Variants in KDM5D observed in about 807,000 individuals in gnomAD.
KDM5D encodes the protein lysine demethylase 5D.
In KDM5D, 25 loss-of-function variants were observed where a neutral mutation model predicts 31.9. That is an observed-to-expected ratio of 0.78 (90% CI 0.57 to 1.09). The LOEUF (loss-of-function observed/expected upper bound fraction) is 1.09, where lower values mean the gene tolerates loss of function less well. KDM5D is among the 50% of genes least tolerant of loss of function. The probability of loss-of-function intolerance (pLI) is 0.00; values close to 1 mark genes in which losing one functional copy is unlikely to be tolerated. For missense variants in KDM5D, 366 were observed against 341.6 expected, an observed-to-expected ratio of 1.07 and a Z score of -0.56; for synonymous variants, 146 against 122.3, an observed-to-expected ratio of 1.19 and a Z score of -1.28.
intron 19 of KDM5D, 159 bp downstream of exon 19, chrY:19,710,217 A>G: frequency 2.7e-6 from 1 of 374,523 alleles, no homozygotes; most frequent in African/African-American, 6.4e-5. Flanking sequence ...GTACACACAG[A>G]GATGGTATGG....
intron 18 of KDM5D, among the ~76,000 whole-genome samples, chrY:19,711,942 T>C: frequency 3.0e-5 from 1 of 33,491 alleles, no homozygotes; most frequent in Non-Finnish European, 7.4e-5. Flanking sequence ...ATCCTCCAAA[T>C]AGGCCCAAAA....
At chrY:19,706,684 G>T (rs1272291312) in intron 25 of KDM5D, 44 bp from the exon 26 acceptor site, 1 of 374,184 alleles carries the variant, frequency 2.7e-6, no homozygotes, top group South Asian at 3.0e-5. Context: ...GACAGACTGG[G>T]TTAGAGGCCA....
At chrY:19,718,892 C>T in intron 13 of KDM5D, among the ~76,000 whole-genome samples, 1 of 33,858 alleles carries the variant, frequency 3.0e-5, no homozygotes. Flanking sequence ...TAGCCCTGGC[C>T]GGGCGCGGTG....
At chrY:19,710,179 A>C (rs2045285733) in intron 19 of KDM5D, 197 bp downstream of exon 19, 12 of 366,910 alleles carry the variant, frequency 3.3e-5, no homozygotes, top group East Asian at 1.1e-4. Flanking sequence ...TAATTATTTC[A>C]GTCTGGAAGG....
chrY:19,716,338 T>C lies in KDM5D; in HGVS notation c.1972A>G (p.Lys658Glu). The stretch of plus-strand genomic sequence containing the variant: ...TCCTGAACCATAATGAACATCTCCT[T>C]GTGCACAGCTACTGCTAGATTGAGA... Reference protein sequence around the residue: ...LDLNLAVAVHKEMFIMVQEER... With the variant: ...LDLNLAVAVHEEMFIMVQEER... Residue 658 changes from lysine to glutamate, a missense_variant, in exon 15 of 27, where the codon AAG becomes GAG. Coordinates refer to ENST00000317961, the MANE Select transcript of KDM5D (RefSeq NM_004653.5). 1 of 398,827 alleles carries C rather than the reference T, an allele frequency of 2.5e-6. No individual in the cohort carries two copies. The highest frequency in any genetic ancestry group is 3.5e-6 in the Non-Finnish European group (1 of 283,345).
chrY:19,723,944 AC>A (rs2045411707), intron 11 of KDM5D, among the ~76,000 whole-genome samples: 1 of 33,860 alleles, frequency 3.0e-5, no homozygotes, highest in African/African-American at 1.2e-4. Flanking sequence ...GCAAACTTAT[AC>A]AAATCAACAA....
chrY:19,713,693 T>C, intron 18 of KDM5D, among the ~76,000 whole-genome samples: 1 of 33,058 alleles, frequency 3.0e-5, no homozygotes, highest in Non-Finnish European at 7.4e-5. Flanking sequence ...CTATACAGGG[T>C]TGGCGGGAGT....
intron 6 of KDM5D, among the ~76,000 whole-genome samples, chrY:19,738,566 T>C (rs747361484): frequency 2.9e-5 from 1 of 34,053 alleles, no homozygotes; most frequent in Non-Finnish European, 7.3e-5. Flanking sequence ...ATAAAAGTTA[T>C]TAAAAATATA....
At chrY:19,743,918 T>C in intron 2 of KDM5D, among the ~76,000 whole-genome samples, 1 of 33,602 alleles carries the variant, frequency 3.0e-5, no homozygotes, top group Admixed American at 2.7e-4. Flanking sequence ...AATAATAAAT[T>C]TAATTGATGG....
chrY:19,732,863 T>C, intron 8 of KDM5D, 121 bp from the exon 9 acceptor site: 2 of 162,177 alleles, frequency 1.2e-5, no homozygotes, highest in Admixed American at 1.2e-4. Flanking sequence ...GTTGTATTTA[T>C]GAGCTTACTA....
chrY:19,732,578 T>C lies in KDM5D; in HGVS notation c.1092+6A>G. The C allele has an allele frequency of 3.9e-5, 15 of 383,801 alleles. No individual in the cohort carries two copies. The highest frequency in any genetic ancestry group is 5.1e-5 in the Non-Finnish European group (14 of 277,104). On this transcript the variant is annotated splice_donor_region_variant and intron_variant, in intron 9 of 26. Coordinates refer to ENST00000317961, the MANE Select transcript of KDM5D (RefSeq NM_004653.5). ...AAATAAAGCATCTGTGACAGACAGA[T>C]CTTACCGCCAAGATACATTTTGGGC...
In KDM5D at chrY:19,707,524, TGAG is replaced by T. The variant is rs749563565; in HGVS notation, c.3619_3621del (p.Leu1207del). The T allele has an allele frequency of 4.1e-5, 16 of 391,836 alleles. No individual in the cohort carries two copies. The highest frequency in any genetic ancestry group is 6.3e-5 in the African/African-American group (1 of 15,818). On this transcript the variant is annotated inframe_deletion, in exon 24 of 27. Coordinates refer to ENST00000317961, the MANE Select transcript of KDM5D (RefSeq NM_004653.5). ...GAAGTGAGACTGGGCTTTGGAGAGG[TGAG>T]GAGATGGGGCACTGACACACACTGC...
intron 18 of KDM5D, among the ~76,000 whole-genome samples, chrY:19,713,625 C>T: frequency 3.0e-5 from 1 of 33,181 alleles, no homozygotes; most frequent in Non-Finnish European, 7.4e-5. Context: ...GTCAGAATGG[C>T]AATTATGAAA....
chrY:19,744,457 G>A lies in KDM5D; in HGVS notation c.78C>T (p.Asp26=). 2.5e-6 allele frequency: 1 copy of A among 395,324 alleles called. No individual in the cohort carries two copies. Among genetic ancestry groups the A allele is most frequent in the Non-Finnish European group, 3.6e-6 (1 of 281,319 alleles). Residue 26 remains aspartate, a synonymous_variant, in exon 2 of 27, where the codon GAC becomes GAT. Coordinates refer to ENST00000317961, the MANE Select transcript of KDM5D (RefSeq NM_004653.5). The part of the protein sequence containing the change: ...VFEPSWAEFQ[D]PLGYIAKIRP... ...TTATTTTCGCAATGTAGCCAAGCGG[G>A]TCTTGGAATTCAGCCCAGCTAGGCT...
chrY:19,715,025 T>C, intron 18 of KDM5D: 1 of 94,336 alleles, frequency 1.1e-5, no homozygotes, highest in Non-Finnish European at 2.2e-5. Flanking sequence ...ATTTATATCT[T>C]ATTGCCACAT....
At chrY:19,715,798 G>A (rs2045336156) in intron 16 of KDM5D, 25 bp downstream of exon 16, 1 of 396,084 alleles carries the variant, frequency 2.5e-6, no homozygotes, top group Admixed American at 7.6e-5. Context: ...CCTCCTTCAC[G>A]TCCCCACAGT....
chrY:19,739,550 C>G lies in KDM5D; in HGVS notation c.635G>C (p.Arg212Pro). The change falls in exon 6 of 27, where the codon CGG (arginine) becomes CCG (proline). Residue 212 changes from arginine (R) to proline (P), a missense_variant. Transcript: ENST00000317961. Reference sequence around the variant, plus strand: ...CACATCAGGCTGTAGCCTTTTTGCCCGTCGACTGTAGCTGCTGAACTTTGA... The same window carrying G: ...CACATCAGGCTGTAGCCTTTTTGCCGGTCGACTGTAGCTGCTGAACTTTGA... ...QPSKFSSYSR[R>P]AKRLQPDPEP... The G allele has an allele frequency of 2.5e-6, 1 of 394,920 alleles. No individual in the cohort carries two copies.
At chrY:19,718,089 T>C (rs774480420) in intron 13 of KDM5D, among the ~76,000 whole-genome samples, 42 of 34,175 alleles carry the variant, frequency 1.2e-3, no homozygotes, top group Non-Finnish European at 2.5e-3. Context: ...GCAGACATAT[T>C]AGAACCCTTG....
rs746158046 is a variant in KDM5D, at chrY:19,729,936, G to A, written c.1371+1836C>T. On this transcript the variant is annotated intron_variant, in intron 11 of 26. Coordinates refer to ENST00000317961, the MANE Select transcript of KDM5D (RefSeq NM_004653.5). ...CTTTTGTAAAACAATTCAGAGTATC[G>A]TTCAATTCCACTTCTAAACATAGAA... Among the ~76,000 whole-genome samples, 6 of 33,402 alleles carry A rather than the reference G, an allele frequency of 1.8e-4. No individual in the cohort carries two copies. The South Asian group carries it at 2.0e-3, about 11-fold the overall frequency. The allele number at this position is 33,402 out of a possible 37,273, so 89.6% of individuals were successfully genotyped here.
Sources: allele counts gnomAD v4.1 joint callset (sites outside exome capture counted in the v4.1 genomes callset), GRCh38; gene constraint gnomAD v4.1.1; transcripts MANE v1.5; gene names NCBI Gene and HGNC (gene_info 2026-07-23, HGNC 2026-07-21).